Variants in MCF2L observed in about 807,000 individuals in gnomAD.
MCF2L encodes the protein guanine nucleotide exchange factor DBS.
A neutral mutation model predicts 153.4 loss-of-function variants in MCF2L; 97 were observed. The ratio of observed to expected loss-of-function variants is 0.63; its 90% CI spans 0.54 to 0.75. The LOEUF (loss-of-function observed/expected upper bound fraction) is 0.75. MCF2L is among the 30% of genes least tolerant of loss of function. MCF2L has a pLI of 0.00. For missense variants in MCF2L, 1,347 were observed against 1,495.2 expected (o/e 0.90, Z 1.64); for synonymous variants, 659 against 632.2 (o/e 1.04, Z -0.64).
intron 11 of MCF2L, among the ~76,000 whole-genome samples, 193 bp downstream of exon 11, chr13:113,075,382 CT>C (rs35309929): frequency 0.52 from 74,914 of 144,250 alleles, 20,089 homozygotes; most frequent in East Asian, 0.79. Context: ...AGTTTTATTT[CT>C]TTTTTTTTTT....
intron 4 of MCF2L, among the ~76,000 whole-genome samples, chr13:113,056,726 T>A (rs2029910051): frequency 6.9e-6 from 1 of 144,876 alleles, no homozygotes; most frequent in African/African-American, 2.6e-5. Flanking sequence ...GGGTGCTGAG[T>A]GGGTGCTGAG....
rs1016976672 is a variant in MCF2L at position 112,969,488 on chromosome 13, T to A, written c.79+30T>A. On this transcript the variant is annotated intron_variant, in intron 1 of 29. Transcript: ENST00000535094. This position sits in a 1 kb window ranked among gnomAD's most constrained non-coding sequence, Gnocchi z 4.8. The stretch of plus-strand genomic sequence containing the variant: ...GAGGAGCTGCTGGCCGTCAGTGATC[T>A]GTGCTTAAGCTTGACATCATGGGCT... The A allele has an allele frequency of 6.5e-7, 1 of 1,549,854 alleles. No individual in the cohort carries two copies. The highest frequency in any genetic ancestry group is 8.7e-7 in the Non-Finnish European group (1 of 1,146,560).
chr13:113,050,167 A>C (rs930625270), intron 4 of MCF2L, among the ~76,000 whole-genome samples: 1 of 151,444 alleles, frequency 6.6e-6, no homozygotes, highest in Admixed American at 6.6e-5. Flanking sequence ...TGTGAGTGTG[A>C]GTGTGTGACT....
chr13:113,076,339 A>G (rs2033476002), intron 12 of MCF2L, among the ~76,000 whole-genome samples, 182 bp downstream of exon 12: 1 of 152,030 alleles, frequency 6.6e-6, no homozygotes, highest in African/African-American at 2.4e-5. Flanking sequence ...ATCTTAGCTC[A>G]CTGCAATCTC....
At chr13:112,910,829 G>T (rs1227130314) in intron 2 of MCF2L, among the ~76,000 whole-genome samples, 2 of 152,270 alleles carry the variant, frequency 1.3e-5, no homozygotes, top group East Asian at 3.8e-4. Flanking sequence ...CGCCGGGACT[G>T]TGCCGCTGGT....
Position 112,932,684 on chromosome 13 carries a change from G to A in MCF2L, c.169+30313G>A, listed in dbSNP as rs548182330. Among the ~76,000 whole-genome samples the A allele has an allele frequency of 2.0e-5, 3 of 152,250 alleles. No homozygotes were observed. Among genetic ancestry groups the A allele is most frequent in the South Asian group, 2.1e-4 (1 of 4,816 alleles). ...CTTAAAAAAGAAGCATCTCAGTACCGTCAGTGGGCCTGTGTGGCCCCTCAT... is the reference window on the plus strand; with the variant it reads ...CTTAAAAAAGAAGCATCTCAGTACCATCAGTGGGCCTGTGTGGCCCCTCAT... On this transcript the variant is annotated intron_variant, in intron 2 of 29. Coordinates refer to the MCF2L transcript ENST00000375608. The surrounding 1 kb of genome is among the most constrained non-coding windows in gnomAD (Gnocchi z 4.6).
At chr13:112,996,509 G>A (rs1450569777) in intron 1 of MCF2L, among the ~76,000 whole-genome samples, 2 of 152,202 alleles carry the variant, frequency 1.3e-5, no homozygotes, top group Non-Finnish European at 2.9e-5. Flanking sequence ...CACCCAGAAC[G>A]TCGCAAATGT....
At chr13:112,969,062 A>C (rs1282098530), upstream of MCF2L, among the ~76,000 whole-genome samples, 5 of 148,396 alleles carry the variant, frequency 3.4e-5, no homozygotes, top group East Asian at 2.0e-4. The surrounding 1 kb of genome is among the most constrained non-coding windows in gnomAD (Gnocchi z 4.8). Flanking sequence ...CGGCGGTGAC[A>C]CGCGGGGCTC....
In MCF2L at chr13:112,903,895, A is replaced by C. The variant is rs562361675; in HGVS notation, c.169+1524A>C. ...CGGGGCTGTCAGGACAGTGCTGCAC[A>C]CAGCTTAGCTGTTGTGCAGGGGGCT... On this transcript the variant is annotated intron_variant, in intron 2 of 29. Coordinates refer to the MCF2L transcript ENST00000375608. Among the ~76,000 whole-genome samples, 31 of 152,310 alleles carry C rather than the reference A, an allele frequency of 2.0e-4. No homozygotes were observed. In the East Asian group the frequency reaches 6.0e-3, roughly 29 times the overall value.
intron 8 of MCF2L, among the ~76,000 whole-genome samples, chr13:113,066,981 G>A (rs112420955): frequency 6.6e-5 from 10 of 152,384 alleles, no homozygotes; most frequent in African/African-American, 2.4e-4. Context: ...CCGGGGACTC[G>A]ACGGCGCATC....
rs1231007080 is a variant in MCF2L, at chr13:113,031,205, C to CAGAGACAGAGACAGAG, written c.278+6459_278+6474dup. 4.2e-3 allele frequency among the ~76,000 whole-genome samples: 598 copies of CAGAGACAGAGACAGAG among 140,782 alleles called. 4 individuals carry two copies. Among genetic ancestry groups the CAGAGACAGAGACAGAG allele is most frequent in the African/African-American group, 0.015 (567 of 38,198 alleles). 92.4% of individuals were successfully genotyped at this position (140,782 alleles called of 152,430 possible). ...ACAGAGACAGAGAGACAGAGACAGACAGAGACAGAGACAGAGAGAGACAGA... is the reference window on the plus strand; with the variant it reads ...ACAGAGACAGAGAGACAGAGACAGACAGAGACAGAGACAGAGAGAGACAGAGACAGAGAGAGACAGA... On this transcript the variant is annotated intron_variant, in intron 3 of 29. Coordinates refer to ENST00000535094, the MANE Select transcript of MCF2L (RefSeq NM_001112732.3). The surrounding 1 kb of genome is among the most constrained non-coding windows in gnomAD (Gnocchi z 5.5).
chr13:112,935,441 G>A (rs951499064), intron 2 of MCF2L, among the ~76,000 whole-genome samples: 1 of 152,224 alleles, frequency 6.6e-6, no homozygotes, highest in African/African-American at 2.4e-5. Flanking sequence ...ATTTTTAGTA[G>A]AGATGGGATT....
intron 2 of MCF2L, among the ~76,000 whole-genome samples, chr13:113,023,586 A>AG (rs1027742919): frequency 3.9e-5 from 6 of 152,188 alleles, no homozygotes; most frequent in Non-Finnish European, 7.3e-5. Flanking sequence ...GACGTGGATG[A>AG]GGGGCGGCGA....
chr13:113,003,723 G>A (rs1225396102), intron 1 of MCF2L, among the ~76,000 whole-genome samples: 1 of 152,182 alleles, frequency 6.6e-6, no homozygotes, highest in Non-Finnish European at 1.5e-5. Context: ...GTCCTCTTAG[G>A]GTACATTGAA....
intron 1 of MCF2L, chr13:112,979,600 C>T (rs1282000216): frequency 6.2e-7 from 1 of 1,604,246 alleles, no homozygotes; most frequent in Non-Finnish European, 8.5e-7. Flanking sequence ...AGGGGGTCGC[C>T]TGTGGTCCCT....
At chr13:113,061,032 C>T (rs957574134) in intron 5 of MCF2L, among the ~76,000 whole-genome samples, 1 of 152,056 alleles carries the variant, frequency 6.6e-6, no homozygotes, top group Non-Finnish European at 1.5e-5. Flanking sequence ...GAACTTGAGA[C>T]CCTAAGGGCT....
rs909023392 is a variant in MCF2L, at chr13:112,907,966, A to T, written c.169+5595A>T. Among the ~76,000 whole-genome samples, 2 of 152,326 alleles carry T rather than the reference A, an allele frequency of 1.3e-5. No individual in the cohort carries two copies. The highest frequency in any genetic ancestry group is 2.1e-4 in the South Asian group (1 of 4,832). ...AATGGTACTTGCAGTGTGGCTGTCA[A>T]TGATTAACTTCTTGTTTTCAACCTT... is the stretch of plus-strand genomic sequence containing the variant. On this transcript the variant is annotated intron_variant, in intron 2 of 29. Transcript: ENST00000375608. This position sits in a 1 kb window ranked among gnomAD's most constrained non-coding sequence, Gnocchi z 5.1.
At chr13:112,902,068 AC>A (rs1470510563) in intron 1 of MCF2L, 14 of 690,170 alleles carry the variant, frequency 2.0e-5, no homozygotes, top group Non-Finnish European at 3.4e-5. Flanking sequence ...TTAGTTTCAA[AC>A]ATACTATCTT....
chr13:112,911,557 C>T (rs910504938), intron 2 of MCF2L, among the ~76,000 whole-genome samples: 4 of 152,242 alleles, frequency 2.6e-5, no homozygotes, highest in African/African-American at 4.8e-5. Context: ...TCCCTCACTT[C>T]CAGAGACCTG....
Sources: gnomAD v4.1 joint callset for allele counts (sites outside exome capture counted in the v4.1 genomes callset) on GRCh38, gnomAD v4.1.1 for gene constraint, Gnocchi (gnomAD v3.1) non-coding constraint, MANE v1.5 for transcripts, NCBI Gene and HGNC (gene_info 2026-07-23, HGNC 2026-07-21) for gene names.